Variants in MND1 observed in about 807,000 individuals in gnomAD.
MND1 encodes the protein meiotic nuclear division protein 1 homolog.
MND1 carries 28 observed loss-of-function variants against 35.1 expected under a neutral mutation model. The ratio of observed to expected loss-of-function variants is 0.80; its 90% CI spans 0.59 to 1.09. The LOEUF is 1.09. MND1 is among the 50% of genes least tolerant of loss of function. The pLI is 0.00. For missense variants in MND1, 213 were observed against 239.6 expected (o/e 0.89, Z 0.73); for synonymous variants, 69 against 70.5 (o/e 0.98, Z 0.11).
At chr4:153,344,682 TCCCGCCCCTCTCCCCAAGCGCGGGC>T (rs578026917) in exon 1 of MND1, 2,232 of 1,520,334 alleles carry the variant, frequency 1.5e-3, 27 homozygotes, top group African/African-American at 0.027. Flanking sequence ...TCCTGGCCTG[TCCCGCCCCTCTCCCCAAGCGCGGGC>T]CCGGCCAGCG....
At chr4:153,394,209 A>G in intron 4 of MND1, 53 bp from the exon 5 acceptor site, 1 of 1,542,788 alleles carries the variant, frequency 6.5e-7, no homozygotes, top group Non-Finnish European at 8.9e-7. Context: ...TTCATCAACT[A>G]CTACATGTCA....
chr4:153,407,259 T>C (rs1729538923), intron 6 of MND1, among the ~76,000 whole-genome samples: 1 of 152,144 alleles, frequency 6.6e-6, no homozygotes, highest in Non-Finnish European at 1.5e-5. Flanking sequence ...AGGTTGGGAC[T>C]TGGAGACCAG....
At chr4:153,371,523 C>G (rs1203822328) in intron 4 of MND1, among the ~76,000 whole-genome samples, 1 of 152,016 alleles carries the variant, frequency 6.6e-6, no homozygotes, top group East Asian at 1.9e-4. Context: ...TGGAGATGGC[C>G]TCTTTCCTTA....
At chr4:153,348,220 G>C (rs1398728279) in intron 1 of MND1, among the ~76,000 whole-genome samples, 2 of 152,176 alleles carry the variant, frequency 1.3e-5, no homozygotes, top group Admixed American at 6.5e-5. Context: ...GTGAGATAAG[G>C]AGGTGAAGGT....
intron 7 of MND1, among the ~76,000 whole-genome samples, chr4:153,411,323 G>A (rs1055333439): frequency 3.9e-5 from 6 of 152,056 alleles, no homozygotes; most frequent in Admixed American, 1.3e-4. Context: ...CTGTGTCACC[G>A]TATAAATCAA....
chr4:153,404,465 C>T (rs1306717999), intron 6 of MND1, among the ~76,000 whole-genome samples: 1 of 146,928 alleles, frequency 6.8e-6, no homozygotes, highest in Non-Finnish European at 1.5e-5. Flanking sequence ...TTTGCGATTA[C>T]AGGTGTGAGC....
rs111676873 is a variant in MND1, at chr4:153,407,836, C to T, written c.467-1135C>T. ...AAAAGGGAAATCCATAGAGAAAAGACAGCAACTAGGTTAGTAGTTGCCAGG... is the reference window on the plus strand; with the variant it reads ...AAAAGGGAAATCCATAGAGAAAAGATAGCAACTAGGTTAGTAGTTGCCAGG... On this transcript the variant is annotated intron_variant, in intron 6 of 7. Transcript: ENST00000240488. 7.9e-3 allele frequency among the ~76,000 whole-genome samples: 1,196 copies of T among 152,174 alleles called. 15 individuals are homozygous for T. Among genetic ancestry groups the T allele is most frequent in the African/African-American group, 0.027 (1,116 of 41,514 alleles).
intron 3 of MND1, 130 bp downstream of exon 3, chr4:153,355,841 ACAAAGAAATCATCACCATC>A: frequency 1.6e-6 from 1 of 637,624 alleles, no homozygotes. Context: ...ATTTCTAGAG[ACAAAGAAATCATCACCATC>A]CAAAGATAAC....
At chr4:153,390,185 G>A (rs569246790) in intron 4 of MND1, among the ~76,000 whole-genome samples, 22 of 152,308 alleles carry the variant, frequency 1.4e-4, no homozygotes, top group Admixed American at 2.6e-4. Context: ...CAGTTGTATA[G>A]ATGAAAAGCT....
chr4:153,344,811 A>C (rs1463766858), intron 1 of MND1, 71 bp downstream of exon 1: 2 of 1,571,784 alleles, frequency 1.3e-6, no homozygotes, highest in Non-Finnish European at 1.7e-6. Flanking sequence ...CCTCGGCTGC[A>C]TGTGGATCCC....
intron 5 of MND1, among the ~76,000 whole-genome samples, chr4:153,394,898 TA>T (rs1372219753): frequency 2.0e-5 from 3 of 152,206 alleles, no homozygotes; most frequent in Non-Finnish European, 4.4e-5. Flanking sequence ...TTAGAGATTT[TA>T]AAAGTCATTT....
chr4:153,385,648 C>T (rs943447726), intron 4 of MND1, among the ~76,000 whole-genome samples: 1 of 140,964 alleles, frequency 7.1e-6, no homozygotes, highest in South Asian at 2.3e-4. Flanking sequence ...CTTAGGAGGT[C>T]GGGGTTGCAG....
intron 7 of MND1, among the ~76,000 whole-genome samples, chr4:153,412,064 T>C (rs1023177675): frequency 6.6e-6 from 1 of 152,212 alleles, no homozygotes; most frequent in African/African-American, 2.4e-5. Flanking sequence ...TCTTAGGTTG[T>C]TAGGAAAAGT....
At chr4:153,361,461 T>C (rs1345669378) in intron 4 of MND1, 5 of 456,318 alleles carry the variant, frequency 1.1e-5, no homozygotes, top group South Asian at 6.2e-5. Flanking sequence ...TGATGTTTTA[T>C]CATGAATCCG....
At chr4:153,347,511 G>A (rs1031477722) in intron 1 of MND1, among the ~76,000 whole-genome samples, 11 of 152,216 alleles carry the variant, frequency 7.2e-5, no homozygotes, top group African/African-American at 2.7e-4. Flanking sequence ...AGAGCTTTAT[G>A]TCTCCCTTGT....
chr4:153,388,170 C>T (rs1728919781), intron 4 of MND1, among the ~76,000 whole-genome samples: 1 of 152,170 alleles, frequency 6.6e-6, no homozygotes, highest in Non-Finnish European at 1.5e-5. Flanking sequence ...TAAAGAGAAG[C>T]ACTGTGTCAG....
intron 4 of MND1, among the ~76,000 whole-genome samples, chr4:153,382,203 A>T (rs376303114): frequency 2.1e-4 from 32 of 152,304 alleles, no homozygotes; most frequent in African/African-American, 7.7e-4. Flanking sequence ...TTTGTATATG[A>T]TAACTTATTT....
At chr4:153,384,228 T>C (rs1481681753) in intron 4 of MND1, among the ~76,000 whole-genome samples, 1 of 151,530 alleles carries the variant, frequency 6.6e-6, no homozygotes, top group Non-Finnish European at 1.5e-5. Flanking sequence ...GCCTGCTTTT[T>C]TTCATCCATA....
In MND1 at chr4:153,358,454, C is replaced by T. The variant is rs762372619; in HGVS notation, c.128-20C>T. ...TTATGGTGTTTTTCTAACATAGAGT[C>T]TTTAAAAATTGTCTCTTAGCTGCTA... is the stretch of plus-strand genomic sequence containing the variant. On this transcript the variant is annotated intron_variant, in intron 3 of 7. Transcript: ENST00000240488. 18 of 1,562,516 alleles carry T rather than the reference C, an allele frequency of 1.2e-5. No homozygotes were observed. Among genetic ancestry groups the T allele is most frequent in the South Asian group, 2.5e-5 (2 of 79,802 alleles).
Sources: gnomAD v4.1 joint callset for allele counts (sites outside exome capture counted in the v4.1 genomes callset) on GRCh38, gnomAD v4.1.1 for gene constraint, MANE v1.5 for transcripts, NCBI Gene and HGNC (gene_info 2026-07-23, HGNC 2026-07-21) for gene names.